Variants in DOCK7 observed in about 807,000 individuals in gnomAD.
The protein encoded by DOCK7 is dedicator of cytokinesis 7.
DOCK7 carries 138 observed loss-of-function variants against 271.0 expected under a neutral mutation model. That is an observed-to-expected ratio of 0.51 (90% CI 0.44 to 0.59). The LOEUF (loss-of-function observed/expected upper bound fraction) is 0.59. DOCK7 is among the 20% of genes least tolerant of loss of function. The pLI is 0.00. For missense variants in DOCK7, 2,066 were observed against 2,592.4 expected (o/e 0.80, Z 4.41); for synonymous variants, 823 against 876.1 (o/e 0.94, Z 1.07).
chr1:62,641,070 A>C, intron 7 of DOCK7: 1 of 185,948 alleles, frequency 5.4e-6, no homozygotes, highest in South Asian at 1.1e-4. Flanking sequence ...GCAGTGAAAG[A>C]AGGGCAGGCC....
chr1:62,527,589 G>A (rs1645047760), intron 31 of DOCK7, among the ~76,000 whole-genome samples: 3 of 151,972 alleles, frequency 2.0e-5, no homozygotes, highest in East Asian at 1.9e-4. Context: ...GGACATGGAC[G>A]AAGCTGGAAA....
rs756535975 is a variant in DOCK7, at chr1:62,513,859, G to A, written c.3976C>T (p.Arg1326Ter). The A allele has an allele frequency of 2.5e-6, 4 of 1,613,914 alleles. No individual in the cohort carries two copies. The highest frequency in any genetic ancestry group is 2.5e-6 in the Non-Finnish European group (3 of 1,179,916). The change falls in exon 32 of 50, where the codon CGA becomes TGA. Residue 1326 changes from arginine (R) to a stop codon, truncating the protein, a stop_gained. Transcript: ENST00000635253. LOFTEE classifies it high-confidence loss of function. ...CAAAGTAGACAGATCAAAAGGCTTC[G>A]ACTTGATTCTGCTGAAAAGGTAGTG... Reference protein sequence around the residue: ...QHTTFSAESSRSLLICLLWVL... With the variant: ...QHTTFSAESS
intron 44 of DOCK7, 58 bp downstream of exon 44, chr1:62,477,642 A>G: frequency 6.7e-7 from 1 of 1,488,836 alleles, no homozygotes; most frequent in South Asian, 1.5e-5. Context: ...CTGAAAGTCT[A>G]ATCATCAGAG....
intron 21 of DOCK7, 67 bp from the exon 22 acceptor site, chr1:62,552,968 C>T (rs1645960734): frequency 1.6e-6 from 2 of 1,252,474 alleles, no homozygotes; most frequent in Non-Finnish European, 1.0e-6. Context: ...GAAAAAAAAT[C>T]TCTGCCACTT....
intron 1 of DOCK7, among the ~76,000 whole-genome samples, chr1:62,664,140 A>T (rs1658997900): frequency 6.6e-6 from 1 of 152,218 alleles, no homozygotes; most frequent in Non-Finnish European, 1.5e-5. Flanking sequence ...GGAAGACAGT[A>T]AAAAGACCAG....
rs1649643673 is a variant in DOCK7 at position 62,598,641 on chromosome 1, TTAA to T, written c.1683-12020_1683-12018del. Reference sequence around the variant, plus strand: ...TAGATTATGATAGTGTTACAGGAAATTAATAGAAAAGAAAGAGGAAAGCAACTT... The same window carrying T: ...TAGATTATGATAGTGTTACAGGAAATTAGAAAAGAAAGAGGAAAGCAACTT... On this transcript the variant is annotated intron_variant, in intron 14 of 49. Transcript: ENST00000635253. The T allele has an allele frequency of 1.1e-5, 10 of 937,812 alleles. No homozygotes were observed. In the Admixed American group the frequency reaches 1.4e-4, roughly 13 times the overall value. The allele number at this position is 937,812 out of a possible 1,614,324, so 58.1% of individuals were successfully genotyped here. A position where few individuals can be genotyped will look rare whatever the true frequency, so the allele number is the denominator to read the frequency against.
intron 48 of DOCK7, among the ~76,000 whole-genome samples, chr1:62,461,428 C>G (rs1175405474): frequency 6.6e-6 from 1 of 151,994 alleles, no homozygotes; most frequent in East Asian, 1.9e-4. Context: ...CACCTGCAAT[C>G]CCAGCACTTT....
Position 62,476,128 on chromosome 1 carries a change from T to C in DOCK7, c.5663A>G (p.Asp1888Gly). 1.2e-6 allele frequency: 2 copies of C among 1,613,126 alleles called. No individual in the cohort carries two copies. The highest frequency in any genetic ancestry group is 1.7e-6 in the Non-Finnish European group (2 of 1,179,584). The change falls in exon 45 of 50, where the codon GAT becomes GGT. Residue 1888 changes from aspartate (D) to glycine (G), a missense_variant. Around this residue, in one of 2 missense-constraint regions of DOCK7, gnomAD observed 652 missense variants for 922.1 expected, o/e 0.71. Coordinates refer to ENST00000635253, the MANE Select transcript of DOCK7 (RefSeq NM_001367561.1). ...AGAGTCTTTGATTACTTCAACCACA[T>C]CCTCTCCAAATCTTTCTCCGTAAAA... Reference protein sequence around the residue: ...EGFYGERFGEDVVEVIKDSNP... With the variant: ...EGFYGERFGEGVVEVIKDSNP...
rs892962647 is a variant in DOCK7, at chr1:62,488,730, G to A, written c.5493+204C>T. ...AAAAAAAGCTATGCAGAAAGTTTAT[G>A]ATGATCACCATTTACTTTAGGTGAA... On this transcript the variant is annotated intron_variant, in intron 42 of 49. Coordinates refer to ENST00000635253, the MANE Select transcript of DOCK7 (RefSeq NM_001367561.1). 8 of 648,914 alleles carry A rather than the reference G, an allele frequency of 1.2e-5. No individual in the cohort carries two copies. In the African/African-American group the frequency reaches 1.5e-4, roughly 12 times the overall value. 40.2% of individuals were successfully genotyped at this position (648,914 alleles called of 1,614,324 possible).
intron 36 of DOCK7, 54 bp from the exon 37 acceptor site, chr1:62,504,836 G>C (rs1181391804): frequency 6.3e-7 from 1 of 1,585,184 alleles, no homozygotes; most frequent in East Asian, 2.3e-5. Flanking sequence ...AAGTTTCTGA[G>C]ATATGTTAAT....
intron 18 of DOCK7, among the ~76,000 whole-genome samples, chr1:62,573,290 G>A (rs942136361): frequency 1.3e-5 from 2 of 152,200 alleles, no homozygotes; most frequent in Admixed American, 6.5e-5. Flanking sequence ...AAGGGATGTA[G>A]TAATGATTGT....
intron 19 of DOCK7, among the ~76,000 whole-genome samples, chr1:62,559,583 C>T (rs926077687): frequency 2.0e-5 from 3 of 152,006 alleles, no homozygotes; most frequent in South Asian, 2.1e-4. Flanking sequence ...GCAAACTCAT[C>T]GCCATACCTT....
rs774732062 is a variant in DOCK7, at chr1:62,578,938, C to G, written c.1900G>C (p.Val634Leu). The change falls in exon 17 of 50, where the codon GTT (valine) becomes CTT (leucine). Residue 634 changes from valine (V) to leucine (L), a missense_variant. Physicochemically the swap from Val to Leu is conservative, Grantham distance 32 (BLOSUM62 1). This residue lies in a region of DOCK7 where 1,414 missense variants were observed against 1,670.4 expected (regional missense o/e 0.85). Transcript: ENST00000635253. ...TCAGTTAAAGTAGCAGGAAGCTTAA[C>G]CTTGATTTCTTCATGAAAATCAGGA... ...RSPDFHEEIK[V>L]KLPATLTDHH... 6.3e-7 allele frequency: 1 copy of G among 1,587,884 alleles called. No individual in the cohort carries two copies. The highest frequency in any genetic ancestry group is 2.3e-5 in the East Asian group (1 of 44,030).
chr1:62,585,724 A>G (rs911977482), intron 15 of DOCK7, among the ~76,000 whole-genome samples: 1 of 152,152 alleles, frequency 6.6e-6, no homozygotes, highest in Admixed American at 6.6e-5. Flanking sequence ...GCACAAAAGT[A>G]CCTTTTCCAT....
At chr1:62,569,889 T>C (rs1263535718) in intron 18 of DOCK7, among the ~76,000 whole-genome samples, 2 of 152,116 alleles carry the variant, frequency 1.3e-5, no homozygotes, top group Non-Finnish European at 2.9e-5. Context: ...AATTTTTGTA[T>C]CTTTAGTAGA....
chr1:62,544,758 A>C (rs1001732143), intron 23 of DOCK7, among the ~76,000 whole-genome samples, 189 bp downstream of exon 23: 1 of 152,236 alleles, frequency 6.6e-6, no homozygotes, highest in Non-Finnish European at 1.5e-5. Context: ...GAAATAGGAA[A>C]GAAGAACATT....
At chr1:62,529,584 T>G in intron 29 of DOCK7, 138 bp from the exon 30 acceptor site, 37 of 478,402 alleles carry the variant, frequency 7.7e-5, no homozygotes, top group Non-Finnish European at 9.5e-5. Flanking sequence ...TTTGCATGCA[T>G]TCCATTCCTA....
intron 43 of DOCK7, among the ~76,000 whole-genome samples, chr1:62,479,303 T>C (rs900253149): frequency 1.3e-5 from 2 of 152,112 alleles, no homozygotes; most frequent in Non-Finnish European, 2.9e-5. Flanking sequence ...TGATGAAAAA[T>C]ATCCCTACAT....
At chr1:62,678,347 A>C (rs775867607) in intron 1 of DOCK7, among the ~76,000 whole-genome samples, 5 of 152,190 alleles carry the variant, frequency 3.3e-5, no homozygotes, top group African/African-American at 4.8e-5. Flanking sequence ...AGAAAATATA[A>C]AGGAATTCAC....
Sources: gnomAD v4.1 joint callset for allele counts (sites outside exome capture counted in the v4.1 genomes callset) on GRCh38, gnomAD v4.1.1 for gene constraint, gnomAD v4.1.1 regional missense constraint, MANE v1.5 for transcripts, NCBI Gene and HGNC (gene_info 2026-07-23, HGNC 2026-07-21) for gene names.